CREM: variants seen among roughly 807,000 people sequenced by gnomAD.
CREM encodes cAMP-responsive element modulator.
Under a neutral mutation model 37.3 loss-of-function variants are expected in CREM, and 13 were observed. The observed-to-expected ratio is 0.35, with a 90% CI of 0.23 to 0.55. The LOEUF is 0.55. Among genes scored for constraint, CREM ranks in the 20% least tolerant of loss-of-function variants. The pLI is 0.88. For synonymous variants in CREM, 124 were observed against 120.2 expected (o/e 1.03, Z -0.21); for missense variants, 296 against 362.3 (o/e 0.82, Z 1.49).
intron 6 of CREM, among the ~76,000 whole-genome samples, chr10:35,205,089 A>T (rs1254629684): frequency 6.6e-6 from 1 of 152,194 alleles, no homozygotes; most frequent in Non-Finnish European, 1.5e-5. Flanking sequence ...GTCTCATCAG[A>T]GTGACAAACT....
At chr10:35,161,941 T>A (rs192777711) in intron 3 of CREM, among the ~76,000 whole-genome samples, 1 of 152,244 alleles carries the variant, frequency 6.6e-6, no homozygotes, top group African/African-American at 2.4e-5. Context: ...CCAAAGGAGA[T>A]GAAAGCAGTG....
chr10:35,203,041 C>CT, intron 6 of CREM, among the ~76,000 whole-genome samples: 1 of 151,534 alleles, frequency 6.6e-6, no homozygotes, highest in Admixed American at 6.6e-5. Context: ...GAATGAACGT[C>CT]TTTTTTTGCT....
chr10:35,140,044 A>T (rs889889127), intron 2 of CREM, among the ~76,000 whole-genome samples: 2 of 152,180 alleles, frequency 1.3e-5, no homozygotes, highest in Admixed American at 6.5e-5. Context: ...GAGGGCATAA[A>T]TCTGCAGATT....
At chr10:35,206,337 A>G (rs564988684) in intron 6 of CREM, among the ~76,000 whole-genome samples, 1 of 152,194 alleles carries the variant, frequency 6.6e-6, no homozygotes, top group South Asian at 2.1e-4. Context: ...CAATTTACAC[A>G]TTAAAAACAT....
At chr10:35,140,290 C>G (rs183015757) in intron 2 of CREM, among the ~76,000 whole-genome samples, 3 of 152,216 alleles carry the variant, frequency 2.0e-5, no homozygotes, top group African/African-American at 7.2e-5. Flanking sequence ...GAGATTGCGA[C>G]AACAATTGCA....
rs945792741 is a variant in CREM, at chr10:35,127,146, C to T, written c.-102C>T. On this transcript the variant is annotated 5_prime_UTR_variant, in exon 1 of 8. Coordinates refer to ENST00000685392, the MANE Select transcript of CREM (RefSeq NM_183011.2). ...CGGGCTCGCCGTCTCCACCTCCTCG[C>T]GTCCGTAATCAGTGACGAGGTCCGC... is the stretch of plus-strand genomic sequence containing the variant. The T allele has an allele frequency of 6.5e-6, 1 of 152,796 alleles. No individual in the cohort carries two copies. Among genetic ancestry groups the T allele is most frequent in the Admixed American group, 6.5e-5 (1 of 15,310 alleles). 9.5% of individuals were successfully genotyped at this position (152,796 alleles called of 1,614,324 possible).
chr10:35,164,205 A>G (rs2093429853), intron 3 of CREM, among the ~76,000 whole-genome samples: 1 of 152,216 alleles, frequency 6.6e-6, no homozygotes, highest in African/African-American at 2.4e-5. Flanking sequence ...ATTAAATGAG[A>G]TGATTTGTGT....
rs144871941 is a variant in CREM, at chr10:35,178,891, A to T, written c.171A>T (p.Val57=). Residue 57 remains valine (V), a splice_region_variant and synonymous_variant, in exon 4 of 8, where the codon GTA becomes GTT. Coordinates refer to ENST00000685392, the MANE Select transcript of CREM (RefSeq NM_183011.2). Reference sequence around the variant, plus strand: ...TTTCAGAAAATCTTGTATTATAGGTAGCAGCAATTGCAGAGACAGATGAAT... The same window carrying T: ...TTTCAGAAAATCTTGTATTATAGGTTGCAGCAATTGCAGAGACAGATGAAT... ...GQNSIPALAQ[V]AAIAETDESA... is the part of the protein sequence containing the mutation. The T allele has an allele frequency of 2.4e-4, 392 of 1,605,730 alleles. 6 individuals are homozygous for T. In the East Asian group the frequency reaches 8.7e-3, roughly 36 times the overall value.
At chr10:35,208,928 G>A (rs1445282801) in intron 7 of CREM, among the ~76,000 whole-genome samples, 1 of 152,234 alleles carries the variant, frequency 6.6e-6, no homozygotes, top group Non-Finnish European at 1.5e-5. Context: ...CTGTTTAGCA[G>A]ATTTTAAGTG....
rs1564960674 is a variant in CREM, at chr10:35,197,468, T to TTTA, written c.598+9080_598+9081insTTA. On this transcript the variant is annotated intron_variant, in intron 6 of 7. Coordinates refer to ENST00000685392, the MANE Select transcript of CREM (RefSeq NM_183011.2). ...TATTTATTTATTTATTTATTTATTT[T>TTTA]ATGAGACGGAGTCTCGCTCTGTCGC... 3.8e-4 allele frequency among the ~76,000 whole-genome samples: 51 copies of TTTA among 135,956 alleles called. 1 individual carries two copies. Among genetic ancestry groups the TTTA allele is most frequent in the African/African-American group, 1.2e-3 (43 of 36,718 alleles). The allele number at this position is 135,956 out of a possible 152,430, so 89.2% of individuals were successfully genotyped here.
chr10:35,155,945 CTTT>C (rs34319028), intron 3 of CREM, among the ~76,000 whole-genome samples: 1 of 139,442 alleles, frequency 7.2e-6, no homozygotes, highest in Non-Finnish European at 1.6e-5. Context: ...TTCTTTCTTT[CTTT>C]TTTTTTTTTG....
chr10:35,194,667 C>G (rs2095071251), intron 6 of CREM, among the ~76,000 whole-genome samples: 1 of 151,280 alleles, frequency 6.6e-6, no homozygotes, highest in Non-Finnish European at 1.5e-5. Flanking sequence ...TAAGTGAACA[C>G]AGGTGGCTGG....
At chr10:35,200,997 T>G (rs554488790) in intron 6 of CREM, among the ~76,000 whole-genome samples, 1 of 113,134 alleles carries the variant, frequency 8.8e-6, no homozygotes, top group South Asian at 3.3e-4. Context: ...CACTTGTGGG[T>G]TTTTTTTTCA....
At chr10:35,167,531 G>A in intron 3 of CREM, 1 of 574,746 alleles carries the variant, frequency 1.7e-6, no homozygotes, top group East Asian at 2.8e-5. Context: ...CCCATCGTGA[G>A]GGAACCTAGC....
intron 6 of CREM, chr10:35,195,314 C>T: frequency 7.1e-7 from 1 of 1,402,026 alleles, no homozygotes; most frequent in South Asian, 1.2e-5. Flanking sequence ...GTGTTACTCT[C>T]CTAGTCACTT....
chr10:35,147,164 C>T (rs2092225924), intron 2 of CREM, among the ~76,000 whole-genome samples: 1 of 150,886 alleles, frequency 6.6e-6, no homozygotes, highest in Non-Finnish European at 1.5e-5. Context: ...CATTCTCCTG[C>T]CTCAGCCTCC....
At chr10:35,188,782 C>T (rs773025621) in intron 6 of CREM, among the ~76,000 whole-genome samples, 9 of 151,718 alleles carry the variant, frequency 5.9e-5, no homozygotes, top group Non-Finnish European at 1.3e-4. Flanking sequence ...CTCAGCTTCC[C>T]GGGGAGCTGG....
At chr10:35,128,414 A>G (rs924677475) in intron 1 of CREM, among the ~76,000 whole-genome samples, 1 of 152,166 alleles carries the variant, frequency 6.6e-6, no homozygotes, top group African/African-American at 2.4e-5. Context: ...ATCTAGATTG[A>G]ACAGTGAGAG....
At chr10:35,170,567 T>C (rs2093764680) in intron 3 of CREM, among the ~76,000 whole-genome samples, 1 of 152,194 alleles carries the variant, frequency 6.6e-6, no homozygotes, top group Non-Finnish European at 1.5e-5. Context: ...AATTATTGCC[T>C]CAATTTCAGA....
Sources: gnomAD v4.1 joint callset for allele counts (sites outside exome capture counted in the v4.1 genomes callset) on GRCh38, gnomAD v4.1.1 for gene constraint, MANE v1.5 for transcripts, NCBI Gene and HGNC (gene_info 2026-07-23, HGNC 2026-07-21) for gene names.